The following TCF12 variants were observed in gnomAD, a reference collection of about 807,000 sequenced individuals.
TCF12 encodes the protein transcription factor 12.
In TCF12, 45 loss-of-function variants were observed where a neutral mutation model predicts 86.0. That is an observed-to-expected ratio of 0.52 (90% CI 0.41 to 0.67). The LOEUF (loss-of-function observed/expected upper bound fraction) is 0.67, where lower values mean the gene tolerates loss of function less well. Among genes scored for constraint, TCF12 ranks in the 30% least tolerant of loss-of-function variants. The pLI is 0.00. For missense variants in TCF12, 881 were observed against 859.9 expected, an observed-to-expected ratio of 1.02 and a Z score of -0.31; for synonymous variants, 330 against 299.6, an observed-to-expected ratio of 1.10 and a Z score of -1.05.
chr15:57,123,523 T>C lies in TCF12; in HGVS notation c.325+31632T>C, dbSNP rs2051387522. Among the ~76,000 whole-genome samples, 2 of 148,970 alleles carry C rather than the reference T, an allele frequency of 1.3e-5. 1 individual carries two copies. The highest frequency in any genetic ancestry group is 4.2e-4 in the South Asian group (2 of 4,728). On this transcript the variant is annotated intron_variant, in intron 5 of 20. Coordinates refer to ENST00000333725, the MANE Select transcript of TCF12 (RefSeq NM_207037.2). ...ACTCTACCACTTCTCTTTTTTTTTT[T>C]CTTTTTTTAAGACAGGATCTTGCTT...
chr15:57,256,567 C>T (rs1312489750), intron 16 of TCF12, among the ~76,000 whole-genome samples: 1 of 144,776 alleles, frequency 6.9e-6, no homozygotes, highest in Non-Finnish European at 1.5e-5. Context: ...CCCACCCCGC[C>T]CCACCTTGTT....
chr15:56,921,612 A>G lies in TCF12; in HGVS notation c.148+514A>G, dbSNP rs796701053. On this transcript the variant is annotated intron_variant, in intron 3 of 20. Coordinates refer to ENST00000333725, the MANE Select transcript of TCF12 (RefSeq NM_207037.2). ...GAAGGAAGGTCCATTCCAGTGTGCA[A>G]AAGCTGTAACTTTTTATTTAATTTA... Among the ~76,000 whole-genome samples, 7 of 152,118 alleles carry G rather than the reference A, an allele frequency of 4.6e-5. 1 individual carries two copies. Among genetic ancestry groups the G allele is most frequent in the African/African-American group, 1.7e-4 (7 of 41,562 alleles).
intron 4 of TCF12, among the ~76,000 whole-genome samples, chr15:57,090,569 C>G (rs1187781302): frequency 6.6e-6 from 1 of 152,182 alleles, no homozygotes; most frequent in Non-Finnish European, 1.5e-5. Context: ...CCCTCTATTC[C>G]TAGCCCTTTC....
At chr15:56,941,861 C>T (rs376582311) in intron 3 of TCF12, among the ~76,000 whole-genome samples, 1 of 152,190 alleles carries the variant, frequency 6.6e-6, no homozygotes, top group East Asian at 1.9e-4. Flanking sequence ...TTATAATTCT[C>T]ATCTCAGTAA....
chr15:56,937,809 A>G (rs1250568567), intron 3 of TCF12, among the ~76,000 whole-genome samples: 1 of 152,058 alleles, frequency 6.6e-6, no homozygotes, highest in Non-Finnish European at 1.5e-5. Flanking sequence ...TATCAAGATG[A>G]TAGATGACTT....
chr15:57,174,366 CT>C (rs1402389741), intron 6 of TCF12, among the ~76,000 whole-genome samples: 3 of 152,162 alleles, frequency 2.0e-5, no homozygotes, highest in Non-Finnish European at 4.4e-5. Flanking sequence ...AAATTGAATA[CT>C]CATGATAAAA....
intron 8 of TCF12, among the ~76,000 whole-genome samples, chr15:57,212,538 A>G (rs1566924239): frequency 1.3e-5 from 2 of 152,114 alleles, no homozygotes; most frequent in Admixed American, 6.6e-5. Flanking sequence ...TTGGCCTCCC[A>G]AAGTGGTAGT....
intron 3 of TCF12, among the ~76,000 whole-genome samples, chr15:57,031,331 C>T (rs1300041283): frequency 6.6e-6 from 1 of 151,776 alleles, no homozygotes; most frequent in East Asian, 1.9e-4. Context: ...ATCTCCCTGT[C>T]TTCTTTGTGG....
At chr15:57,012,752 T>G (rs752184331) in intron 3 of TCF12, among the ~76,000 whole-genome samples, 1 of 152,300 alleles carries the variant, frequency 6.6e-6, no homozygotes, top group Admixed American at 6.5e-5. Flanking sequence ...GAGCATAATC[T>G]TGGGCAATCT....
intron 3 of TCF12, among the ~76,000 whole-genome samples, chr15:57,051,270 T>C (rs572553803): frequency 6.6e-6 from 1 of 152,340 alleles, no homozygotes; most frequent in African/African-American, 2.4e-5. Context: ...TGTGATCAGT[T>C]ATTTTAGCGT....
intron 12 of TCF12, among the ~76,000 whole-genome samples, chr15:57,238,240 T>C (rs1295635859): frequency 1.3e-5 from 2 of 152,172 alleles, no homozygotes; most frequent in Admixed American, 6.6e-5. Flanking sequence ...GTTTTACATA[T>C]AGCATTGGGG....
intron 4 of TCF12, among the ~76,000 whole-genome samples, chr15:57,074,363 A>T (rs796917625): frequency 5.9e-5 from 6 of 102,526 alleles, no homozygotes; most frequent in Non-Finnish European, 8.9e-5. Flanking sequence ...TTTTGATTAA[A>T]AAAAAAAAAA....
chr15:57,216,554 A>C (rs1178554914), intron 8 of TCF12, among the ~76,000 whole-genome samples: 2 of 133,312 alleles, frequency 1.5e-5, no homozygotes, highest in Admixed American at 1.6e-4. Context: ...AACCCTTGAC[A>C]TGTTCCTTTA....
chr15:56,939,007 T>C (rs2060609039), intron 3 of TCF12, among the ~76,000 whole-genome samples: 1 of 152,220 alleles, frequency 6.6e-6, no homozygotes, highest in African/African-American at 2.4e-5. Flanking sequence ...TCACTGCTTT[T>C]CAATCTGAAT....
At chr15:57,218,881 G>A (rs530618494) in intron 8 of TCF12, among the ~76,000 whole-genome samples, 314 of 152,234 alleles carry the variant, frequency 2.1e-3, no homozygotes, top group Non-Finnish European at 3.9e-3. Context: ...TTAAAGTATG[G>A]TTTGTTCTAG....
intron 5 of TCF12, among the ~76,000 whole-genome samples, chr15:57,095,052 T>G (rs2049231939): frequency 6.6e-6 from 1 of 152,342 alleles, no homozygotes; most frequent in South Asian, 2.1e-4. Context: ...GCTGAATCAG[T>G]TAATGTTTCT....
intron 18 of TCF12, among the ~76,000 whole-genome samples, chr15:57,265,865 C>T (rs570080309): frequency 6.6e-6 from 1 of 152,250 alleles, no homozygotes; most frequent in Admixed American, 6.5e-5. Flanking sequence ...ATGTGTTGTG[C>T]TGCAGCCTTA....
intron 3 of TCF12, among the ~76,000 whole-genome samples, chr15:57,060,837 G>A (rs1036240033): frequency 2.0e-5 from 3 of 152,130 alleles, no homozygotes; most frequent in South Asian, 2.1e-4. Flanking sequence ...TTGGTCTTAC[G>A]GCTGAAGCTT....
At chr15:57,113,553 T>G (rs937582097) in intron 5 of TCF12, among the ~76,000 whole-genome samples, 5 of 152,216 alleles carry the variant, frequency 3.3e-5, no homozygotes, top group South Asian at 2.1e-4. Flanking sequence ...TTCTTTTTCT[T>G]TTTCTTTTAA....
Sources: gnomAD v4.1 joint callset for allele counts (sites outside exome capture counted in the v4.1 genomes callset) on GRCh38, gnomAD v4.1.1 for gene constraint, MANE v1.5 for transcripts, NCBI Gene and HGNC (gene_info 2026-07-23, HGNC 2026-07-21) for gene names.